The following COP1 variants were observed in gnomAD, a reference collection of about 807,000 sequenced individuals.
The protein encoded by COP1 is COP1 E3 ubiquitin ligase, also known as E3 ubiquitin-protein ligase COP1.
COP1 carries 24 observed loss-of-function variants against 101.3 expected under a neutral mutation model. That is an observed-to-expected ratio of 0.24 (90% CI 0.17 to 0.33). The LOEUF is 0.33. Among genes scored for constraint, COP1 ranks in the 10% least tolerant of loss-of-function variants. The pLI, the probability that COP1 is intolerant of heterozygous loss-of-function variation, is 1.00. For missense variants in COP1, 663 were observed against 906.2 expected (o/e 0.73, Z 3.45); for synonymous variants, 347 against 341.9 (o/e 1.01, Z -0.17).
rs567727929 is a variant in COP1 at position 176,195,887 on chromosome 1, C to T, written c.407+10685G>A. 4.6e-5 allele frequency among the ~76,000 whole-genome samples: 7 copies of T among 152,264 alleles called. 1 individual carries two copies. The highest frequency in any genetic ancestry group is 4.1e-4 in the South Asian group (2 of 4,822). On this transcript the variant is annotated intron_variant, in intron 1 of 19. Coordinates refer to ENST00000367669, the MANE Select transcript of COP1 (RefSeq NM_022457.7). Reference sequence around the variant, plus strand: ...CAAGAAACACTGAGGATTCCAAAATCGGGGACGGAGGGGGTTAGGAGCTGA... The same window carrying T: ...CAAGAAACACTGAGGATTCCAAAATTGGGGACGGAGGGGGTTAGGAGCTGA...
intron 1 of COP1, among the ~76,000 whole-genome samples, chr1:176,202,061 T>C (rs1397819702): frequency 2.0e-5 from 3 of 152,164 alleles, no homozygotes; most frequent in Non-Finnish European, 4.4e-5. Context: ...AATTCAGTCC[T>C]ATAATTCAGT....
chr1:176,038,845 T>C (rs964761747), intron 14 of COP1, among the ~76,000 whole-genome samples: 3 of 148,440 alleles, frequency 2.0e-5, no homozygotes, highest in Non-Finnish European at 3.0e-5. Context: ...AAGAAAAAGA[T>C]AGATACACAG....
At chr1:176,181,755 C>T (rs1033477667) in intron 2 of COP1, among the ~76,000 whole-genome samples, 1 of 151,778 alleles carries the variant, frequency 6.6e-6, no homozygotes, top group African/African-American at 2.4e-5. Flanking sequence ...GCAGGAGAAT[C>T]GCTGGAATAT....
chr1:176,166,075 T>G (rs1695100884), intron 3 of COP1, among the ~76,000 whole-genome samples: 1 of 152,188 alleles, frequency 6.6e-6, no homozygotes, highest in Non-Finnish European at 1.5e-5. Context: ...AGATCAAACA[T>G]TTTTTTCAAG....
intron 1 of COP1, among the ~76,000 whole-genome samples, chr1:176,201,679 C>G (rs1166462342): frequency 6.6e-6 from 1 of 152,190 alleles, no homozygotes; most frequent in African/African-American, 2.4e-5. Flanking sequence ...CATCTATTTT[C>G]TCTACCATTT....
chr1:176,029,547 C>T (rs1668312000), intron 14 of COP1, among the ~76,000 whole-genome samples: 1 of 152,130 alleles, frequency 6.6e-6, no homozygotes, highest in Admixed American at 6.5e-5. Context: ...ACAACAACAA[C>T]AAAATCTTTC....
chr1:176,019,506 A>AATAATAACC (rs1448864095), intron 15 of COP1, among the ~76,000 whole-genome samples: 1 of 128,090 alleles, frequency 7.8e-6, no homozygotes, highest in Non-Finnish European at 1.7e-5. Flanking sequence ...TAATAATAAT[A>AATAATAACC]ACCATCATCA....
intron 5 of COP1, 26 bp from the exon 6 acceptor site, chr1:176,149,100 T>TTTTATA: frequency 6.9e-7 from 1 of 1,446,638 alleles, no homozygotes; most frequent in Non-Finnish European, 9.5e-7. Flanking sequence ...ATAATTTTTC[T>TTTTATA]TTTAAAAAAT....
chr1:175,996,525 A>C (rs1364708069), intron 15 of COP1, among the ~76,000 whole-genome samples: 2 of 152,048 alleles, frequency 1.3e-5, no homozygotes, highest in Non-Finnish European at 2.9e-5. Flanking sequence ...AAATCTCCTT[A>C]AGCTGATAAG....
At chr1:175,952,207 A>AG (rs1650024982) in intron 18 of COP1, among the ~76,000 whole-genome samples, 1 of 152,142 alleles carries the variant, frequency 6.6e-6, no homozygotes, top group Non-Finnish European at 1.5e-5. Context: ...GGATCGCCTG[A>AG]GGTCAGGAGT....
intron 11 of COP1, among the ~76,000 whole-genome samples, chr1:176,053,523 A>G (rs562071699): frequency 5.6e-4 from 86 of 152,292 alleles, no homozygotes; most frequent in African/African-American, 1.9e-3. Flanking sequence ...ATCCTGGTCT[A>G]TCAGTTTTCT....
chr1:176,100,939 C>T (rs1683291627), intron 9 of COP1, among the ~76,000 whole-genome samples: 1 of 152,032 alleles, frequency 6.6e-6, no homozygotes, highest in African/African-American at 2.4e-5. Flanking sequence ...AAAACCGGAT[C>T]TGATGGATCC....
chr1:176,148,098 C>A (rs985796002), intron 6 of COP1, among the ~76,000 whole-genome samples: 1 of 151,522 alleles, frequency 6.6e-6, no homozygotes, highest in Non-Finnish European at 1.5e-5. Context: ...ACCTGAGACA[C>A]AAGTAAATCT....
chr1:176,013,637 A>G (rs1227632628), intron 15 of COP1, among the ~76,000 whole-genome samples: 1 of 152,190 alleles, frequency 6.6e-6, no homozygotes, highest in Non-Finnish European at 1.5e-5. Context: ...AACTCACCAT[A>G]TAATATGTGA....
chr1:175,967,488 AAAACAAACAAACAAACAAAC>A (rs71129535), intron 18 of COP1, among the ~76,000 whole-genome samples: 3 of 150,976 alleles, frequency 2.0e-5, no homozygotes, highest in Non-Finnish European at 4.4e-5. Flanking sequence ...TCAGTCTCAA[AAAACAAACAAACAAACAAAC>A]AAACAAACAA....
intron 11 of COP1, among the ~76,000 whole-genome samples, chr1:176,055,164 T>C (rs1048161993): frequency 7.2e-5 from 11 of 152,242 alleles, no homozygotes; most frequent in South Asian, 2.1e-4. Context: ...CTGGGTGCAG[T>C]GGCTCAAGCC....
At chr1:176,014,076 T>G (rs908450136) in intron 15 of COP1, among the ~76,000 whole-genome samples, 1 of 152,224 alleles carries the variant, frequency 6.6e-6, no homozygotes, top group Non-Finnish European at 1.5e-5. Context: ...TTCATGTTTT[T>G]GGTGGAGAAT....
intron 10 of COP1, among the ~76,000 whole-genome samples, chr1:176,082,449 T>C (rs1193012029): frequency 2.6e-5 from 4 of 152,180 alleles, no homozygotes; most frequent in South Asian, 2.1e-4. Flanking sequence ...TCTGGAGATA[T>C]TAGGTTATCT....
intron 3 of COP1, among the ~76,000 whole-genome samples, chr1:176,169,081 G>T (rs754164776): frequency 6.6e-6 from 1 of 152,146 alleles, no homozygotes; most frequent in African/African-American, 2.4e-5. Context: ...GGAAGGCAAA[G>T]AAATGAGTCA....
Sources: allele counts gnomAD v4.1 joint callset (sites outside exome capture counted in the v4.1 genomes callset), GRCh38; gene constraint gnomAD v4.1.1; transcripts MANE v1.5; gene names NCBI Gene and HGNC (gene_info 2026-07-23, HGNC 2026-07-21).